The following SDK1 variants were observed in gnomAD, a reference collection of about 807,000 sequenced individuals.
SDK1 encodes sidekick cell adhesion molecule 1.
A neutral mutation model predicts 245.5 loss-of-function variants in SDK1; 157 were observed. That is an observed-to-expected ratio of 0.64 (90% CI 0.56 to 0.73). SDK1 has a LOEUF of 0.73. SDK1 is among the 30% of genes least tolerant of loss of function. SDK1 has a pLI of 0.00. For synonymous variants in SDK1, 1,647 were observed against 1,278.5 expected, an observed-to-expected ratio of 1.29 and a Z score of -6.15; for missense variants, 3,583 against 3,002.3, an observed-to-expected ratio of 1.19 and a Z score of -4.52.
intron 4 of SDK1, among the ~76,000 whole-genome samples, chr7:3,711,168 T>C (rs1785039698): frequency 6.6e-6 from 1 of 152,252 alleles, no homozygotes; most frequent in Admixed American, 6.5e-5. Flanking sequence ...ACAGTATGAT[T>C]TGACTTTTCT....
chr7:3,523,798 A>G (rs962909172), intron 1 of SDK1, among the ~76,000 whole-genome samples: 1 of 152,228 alleles, frequency 6.6e-6, no homozygotes, highest in Non-Finnish European at 1.5e-5. Flanking sequence ...TAAATATTCT[A>G]CCAGCCAATT....
intron 1 of SDK1, among the ~76,000 whole-genome samples, chr7:3,532,095 A>G (rs1783366306): frequency 1.3e-5 from 2 of 152,166 alleles, no homozygotes; most frequent in African/African-American, 2.4e-5. Context: ...CATACTTTCT[A>G]CCTTCTTACT....
chr7:3,597,641 G>A (rs1440375490), intron 1 of SDK1, among the ~76,000 whole-genome samples: 2 of 152,156 alleles, frequency 1.3e-5, no homozygotes, highest in African/African-American at 4.8e-5. Context: ...TGATTAGGTC[G>A]CATTTAGCTC....
At chr7:3,600,004 G>C (rs918883735) in intron 1 of SDK1, among the ~76,000 whole-genome samples, 12 of 152,112 alleles carry the variant, frequency 7.9e-5, no homozygotes, top group Admixed American at 5.2e-4. Flanking sequence ...TTACACCTGT[G>C]TGTCTGGTTG....
Position 4,242,132 on chromosome 7 carries a change from G to A in SDK1, c.6251+219G>A, listed in dbSNP as rs57808908. Among the ~76,000 whole-genome samples, 472 of 152,266 alleles carry A rather than the reference G, an allele frequency of 3.1e-3. 4 individuals carry two copies. Among genetic ancestry groups the A allele is most frequent in the African/African-American group, 0.011 (451 of 41,552 alleles). ...CTGGAAATATTTTCAGGACATCTCC[G>A]GAGATTTAGAAAGAGGGTCTCAGGT... On this transcript the variant is annotated intron_variant, in intron 43 of 44. Coordinates refer to ENST00000404826, the MANE Select transcript of SDK1 (RefSeq NM_152744.4).
At chr7:4,077,765 C>T (rs1458002842) in intron 21 of SDK1, among the ~76,000 whole-genome samples, 2 of 152,158 alleles carry the variant, frequency 1.3e-5, no homozygotes, top group Non-Finnish European at 2.9e-5. Flanking sequence ...GAGAACAGCA[C>T]AGGAAAGACC....
At chr7:3,980,211 C>T (rs375072461) in intron 13 of SDK1, among the ~76,000 whole-genome samples, 1 of 152,222 alleles carries the variant, frequency 6.6e-6, no homozygotes, top group South Asian at 2.1e-4. Flanking sequence ...GCCACAATTT[C>T]ACCAATTGCT....
At chr7:4,224,826 G>T (rs983598695) in intron 40 of SDK1, among the ~76,000 whole-genome samples, 1 of 150,988 alleles carries the variant, frequency 6.6e-6, no homozygotes, top group Non-Finnish European at 1.5e-5. Context: ...ACTACAAATA[G>T]AAAAAAATTA....
At position 3,425,273 on chromosome 7, in the gene SDK1, G is replaced by A. The variant is rs370313303; in HGVS notation, c.298+123389G>A. On this transcript the variant is annotated intron_variant, in intron 1 of 44. Coordinates refer to ENST00000404826, the MANE Select transcript of SDK1 (RefSeq NM_152744.4). ...TATGGCACTGATTTACACTTTTACA[G>A]AAGGGAAATTTATGGCCCTTATCTG... Among the ~76,000 whole-genome samples, 139 of 152,266 alleles carry A rather than the reference G, an allele frequency of 9.1e-4. 1 individual carries two copies. The highest frequency in any genetic ancestry group is 3.2e-3 in the African/African-American group (131 of 41,566).
At chr7:3,724,479 ATTTG>A (rs1449571036) in intron 4 of SDK1, among the ~76,000 whole-genome samples, 1 of 152,172 alleles carries the variant, frequency 6.6e-6, no homozygotes, top group African/African-American at 2.4e-5. Flanking sequence ...TCTGAGCAGT[ATTTG>A]TTTGATGTAG....
At chr7:3,965,783 A>G (rs1373657799) in intron 9 of SDK1, among the ~76,000 whole-genome samples, 1 of 151,970 alleles carries the variant, frequency 6.6e-6, no homozygotes, top group Non-Finnish European at 1.5e-5. Flanking sequence ...CCTCCCCCAG[A>G]CAGTGTGGCT....
At chr7:3,847,427 C>A (rs1057058432) in intron 5 of SDK1, among the ~76,000 whole-genome samples, 2 of 152,162 alleles carry the variant, frequency 1.3e-5, no homozygotes, top group Non-Finnish European at 2.9e-5. Flanking sequence ...TTTACCGAGG[C>A]CTTTAACAAG....
intron 4 of SDK1, among the ~76,000 whole-genome samples, chr7:3,818,342 C>G (rs1325560597): frequency 6.6e-6 from 1 of 152,178 alleles, no homozygotes; most frequent in Non-Finnish European, 1.5e-5. Context: ...GCAAAGTATT[C>G]AACTTTGCTA....
chr7:4,075,784 A>G (rs888867129), intron 20 of SDK1, among the ~76,000 whole-genome samples: 48 of 151,596 alleles, frequency 3.2e-4, no homozygotes, highest in African/African-American at 1.2e-3. Flanking sequence ...CCTTCCGAGT[A>G]GCTAGGATTA....
At chr7:3,449,184 C>T (rs191760401) in intron 1 of SDK1, among the ~76,000 whole-genome samples, 4 of 152,256 alleles carry the variant, frequency 2.6e-5, no homozygotes, top group Non-Finnish European at 5.9e-5. Flanking sequence ...CTGTGTGTCA[C>T]GTTTTGGGGC....
intron 17 of SDK1, among the ~76,000 whole-genome samples, chr7:4,017,712 G>A (rs1395503980): frequency 6.6e-6 from 1 of 152,184 alleles, no homozygotes; most frequent in Non-Finnish European, 1.5e-5. Flanking sequence ...GATACTGTGA[G>A]TGTTTTTCAA....
chr7:4,119,884 G>A (rs1783953020), intron 25 of SDK1, among the ~76,000 whole-genome samples: 1 of 149,070 alleles, frequency 6.7e-6, no homozygotes, highest in Non-Finnish European at 1.5e-5. Context: ...ACAAGTCTGA[G>A]AGAAATATAT....
chr7:3,636,997 T>A (rs753571047), intron 2 of SDK1, among the ~76,000 whole-genome samples: 169 of 152,128 alleles, frequency 1.1e-3, no homozygotes, highest in Non-Finnish European at 1.3e-3. Context: ...AATGTCTGTC[T>A]AGTATCTTTG....
chr7:3,846,062 C>G (rs546656922), intron 5 of SDK1, among the ~76,000 whole-genome samples: 1 of 152,312 alleles, frequency 6.6e-6, no homozygotes, highest in South Asian at 2.1e-4. Context: ...ATGAGAGTAA[C>G]TTGCACATAC....
Sources: gnomAD v4.1 joint callset for allele counts (sites outside exome capture counted in the v4.1 genomes callset) on GRCh38, gnomAD v4.1.1 for gene constraint, MANE v1.5 for transcripts, NCBI Gene and HGNC (gene_info 2026-07-23, HGNC 2026-07-21) for gene names.